Variants in POMZP3 observed in about 807,000 individuals in gnomAD.
POMZP3 encodes the protein POM121 and ZP3 fusion, also known as POM121 and ZP3 fusion protein.
POMZP3 carries 10 observed loss-of-function variants against 19.8 expected under a neutral mutation model. That is an observed-to-expected ratio of 0.51 (90% CI 0.31 to 0.86). The LOEUF (loss-of-function observed/expected upper bound fraction) is 0.86. Ranked by LOEUF, POMZP3 falls within the 40% of genes least tolerant of loss-of-function variation. POMZP3 has a pLI of 0.04. For missense variants in POMZP3, 152 were observed against 228.1 expected, an observed-to-expected ratio of 0.67 and a Z score of 2.15; for synonymous variants, 57 against 85.8, an observed-to-expected ratio of 0.66 and a Z score of 1.85.
At chr7:76,610,456 C>T (rs1815038338) in intron 6 of POMZP3, among the ~76,000 whole-genome samples, 2 of 151,838 alleles carry the variant, frequency 1.3e-5, no homozygotes, top group Admixed American at 6.6e-5. Flanking sequence ...TGTTTGAGAC[C>T]AGCCTGGCCA....
In POMZP3 at chr7:76,618,273, G is replaced by A. The variant is rs1323420429; in HGVS notation, c.255C>T (p.Ala85=). The A allele has an allele frequency of 1.2e-6, 2 of 1,613,692 alleles. No individual in the cohort carries two copies. The highest frequency in any genetic ancestry group is 1.3e-5 in the African/African-American group (1 of 74,888). ...GTCGAGGAACTTTGAATGCAGAAGA[G>A]GCATCAGTGAGACCGTCGACAAGAC... ...RSCLVDGLTD[A]SSAFKVPRPG... is the part of the protein sequence containing the mutation. Residue 85 remains alanine (A), a synonymous_variant, in exon 4 of 7, where the codon GCC becomes GCT. Coordinates refer to ENST00000310842, the MANE Select transcript of POMZP3 (RefSeq NM_012230.5).
chr7:76,623,783 C>A (rs1448549335), intron 3 of POMZP3, among the ~76,000 whole-genome samples: 1 of 151,670 alleles, frequency 6.6e-6, no homozygotes, highest in African/African-American at 2.4e-5. Flanking sequence ...GCATGGCTGA[C>A]AGAGCGAGAA....
At chr7:76,613,411 C>T (rs1227540742) in intron 4 of POMZP3, among the ~76,000 whole-genome samples, 9 of 129,264 alleles carry the variant, frequency 7.0e-5, no homozygotes, top group African/African-American at 2.2e-4. Flanking sequence ...TAGACAAGTA[C>T]GAGGGAATGA....
At position 76,620,197 on chromosome 7, in the gene POMZP3, G is replaced by A. The variant is rs1427168082; in HGVS notation, c.228-1897C>T. Among the ~76,000 whole-genome samples, 133 of 86,174 alleles carry A rather than the reference G, an allele frequency of 1.5e-3. 10 individuals are homozygous for A. Among genetic ancestry groups the A allele is most frequent in the South Asian group, 2.2e-3 (5 of 2,276 alleles). The allele number at this position is 86,174 out of a possible 152,430, so 56.5% of individuals were successfully genotyped here. On this transcript the variant is annotated intron_variant, in intron 3 of 6. Coordinates refer to ENST00000310842, the MANE Select transcript of POMZP3 (RefSeq NM_012230.5). ...AATAAAATTAGCCGGGCATGGTGGC[G>A]GGCGCCTGTAGTCCCAGCTACTTGG...
rs1815925241 is a variant in POMZP3 at position 76,626,773 on chromosome 7, G to A, written c.-217C>T. 5 of 1,333,718 alleles carry A rather than the reference G, an allele frequency of 3.7e-6. No individual in the cohort carries two copies. The highest frequency in any genetic ancestry group is 4.8e-6 in the Non-Finnish European group (5 of 1,045,430). The allele number at this position is 1,333,718 out of a possible 1,614,324, so 82.6% of individuals were successfully genotyped here. ...GGAGAGAGGGGTAAAAGTGGTGAAC[G>A]CGATGGGTCGGCGGGGAGGGCGGTG... On this transcript the variant is annotated 5_prime_UTR_variant, in exon 1 of 7. Transcript: ENST00000310842.
At position 76,627,216 on chromosome 7, in the gene POMZP3, G is replaced by A. The variant is rs1275780737; in HGVS notation, c.-660C>T. 2.1e-6 allele frequency: 3 copies of A among 1,422,598 alleles called. No individual in the cohort carries two copies. Among genetic ancestry groups the A allele is most frequent in the Admixed American group, 2.4e-5 (1 of 41,050 alleles). 88.1% of individuals were successfully genotyped at this position (1,422,598 alleles called of 1,614,324 possible). Reference sequence around the variant, plus strand: ...CTGACACTCGCTATCGGCCGCCGCCGCTCGCCTGCTCCAGCCGCCGCAGCC... The same window carrying A: ...CTGACACTCGCTATCGGCCGCCGCCACTCGCCTGCTCCAGCCGCCGCAGCC... On this transcript the variant is annotated 5_prime_UTR_variant, in exon 1 of 7. Transcript: ENST00000310842.
At chr7:76,611,946 C>T (rs979187749) in intron 4 of POMZP3, 133 bp from the exon 5 acceptor site, 1 of 1,498,144 alleles carries the variant, frequency 6.7e-7, no homozygotes, top group African/African-American at 1.4e-5. Flanking sequence ...CACCTATAAT[C>T]CCAGCACTTT....
chr7:76,610,525 G>A (rs1815041138), intron 6 of POMZP3, among the ~76,000 whole-genome samples: 1 of 151,878 alleles, frequency 6.6e-6, no homozygotes, highest in Non-Finnish European at 1.5e-5. Flanking sequence ...GGTGGCACAT[G>A]CCTGTAGTCT....
intron 4 of POMZP3, among the ~76,000 whole-genome samples, chr7:76,616,056 G>A (rs1295501839): frequency 4.1e-5 from 4 of 97,764 alleles, no homozygotes; most frequent in Non-Finnish European, 6.6e-5. Context: ...AAGCTGAGGC[G>A]GTTGGATAAT....
rs567408052 is a variant in POMZP3, at chr7:76,626,871, G to A, written c.-315C>T. On this transcript the variant is annotated 5_prime_UTR_variant, in exon 1 of 7. Transcript: ENST00000310842. ...GGTCCTGGCCCTCCGGAGCGGGGGC[G>A]GGCTGCGGCGGCCCGGGCTTGCCCA... The A allele has an allele frequency of 2.1e-6, 3 of 1,395,968 alleles. No homozygotes were observed. Among genetic ancestry groups the A allele is most frequent in the Non-Finnish European group, 2.8e-6 (3 of 1,083,926 alleles). The allele number at this position is 1,395,968 out of a possible 1,614,324, so 86.5% of individuals were successfully genotyped here. A position where few individuals can be genotyped will look rare whatever the true frequency, so the allele number is the denominator to read the frequency against.
chr7:76,618,919 C>G (rs1476776744), intron 3 of POMZP3, among the ~76,000 whole-genome samples: 3 of 152,052 alleles, frequency 2.0e-5, no homozygotes, highest in African/African-American at 7.2e-5. Context: ...TCCTGAGTAG[C>G]TGGGACTACA....
intron 4 of POMZP3, among the ~76,000 whole-genome samples, chr7:76,616,654 A>G (rs62475923): frequency 1.1e-5 from 1 of 93,408 alleles, no homozygotes; most frequent in Non-Finnish European, 2.3e-5. Context: ...CAGGAGTTCC[A>G]GACCAGCCTG....
chr7:76,610,314 G>A, intron 6 of POMZP3, 99 bp from the exon 7 acceptor site: 10 of 1,154,042 alleles, frequency 8.7e-6, no homozygotes, highest in Non-Finnish European at 1.3e-5. Flanking sequence ...CTAATATGTT[G>A]TCTTTTTTGT....
At chr7:76,610,262 G>A (rs543010697) in intron 6 of POMZP3, 47 bp from the exon 7 acceptor site, 19 of 1,613,658 alleles carry the variant, frequency 1.2e-5, no homozygotes, top group South Asian at 6.6e-5. Flanking sequence ...GTCCCTAACC[G>A]GGAACTGGGT....
chr7:76,610,722 G>C (rs1336391583), intron 6 of POMZP3, among the ~76,000 whole-genome samples: 2 of 147,412 alleles, frequency 1.4e-5, no homozygotes, highest in Admixed American at 6.8e-5. Flanking sequence ...CACCCAAGAG[G>C]GATTCCCTAG....
intron 4 of POMZP3, among the ~76,000 whole-genome samples, chr7:76,617,330 T>C (rs1815321323): frequency 1.0e-5 from 1 of 96,726 alleles, no homozygotes; most frequent in Admixed American, 1.0e-4. Context: ...TCCTGGCACC[T>C]GCACTTCCTA....
At chr7:76,620,895 GTCTC>G (rs1191848193) in intron 3 of POMZP3, among the ~76,000 whole-genome samples, 5 of 108,354 alleles carry the variant, frequency 4.6e-5, no homozygotes, top group African/African-American at 1.5e-4. Context: ...TTGAGACAGA[GTCTC>G]TCTGTGTCGC....
Position 76,626,136 on chromosome 7 carries a change from G to A in POMZP3, c.-72C>T, listed in dbSNP as rs550559031. The A allele has an allele frequency of 6.2e-7, 1 of 1,610,140 alleles. No individual in the cohort carries two copies. Among genetic ancestry groups the A allele is most frequent in the African/African-American group, 1.3e-5 (1 of 74,738 alleles). On this transcript the variant is annotated 5_prime_UTR_variant, in exon 2 of 7. Transcript: ENST00000310842. ...CAGCACACTGTGGGAAGTACCCCCG[G>A]ACAGGAATACTGGGCCTGATGGATC...
chr7:76,611,324 G>GT (rs1815088043), intron 6 of POMZP3, 130 bp downstream of exon 6: 1 of 1,148,536 alleles, frequency 8.7e-7, no homozygotes, highest in South Asian at 1.8e-5. Context: ...TTAGGGAAAG[G>GT]TAGCTGCAGG....
Sources: gnomAD v4.1 joint callset for allele counts (sites outside exome capture counted in the v4.1 genomes callset) on GRCh38, gnomAD v4.1.1 for gene constraint, MANE v1.5 for transcripts, NCBI Gene and HGNC (gene_info 2026-07-23, HGNC 2026-07-21) for gene names.